Variants in ST6GALNAC1 observed in about 807,000 individuals in gnomAD.
ST6GALNAC1 encodes the protein alpha-N-acetylgalactosaminide alpha-2,6-sialyltransferase 1.
In ST6GALNAC1, 45 loss-of-function variants were observed where a neutral mutation model predicts 56.8. The observed-to-expected ratio is 0.79, with a 90% CI of 0.62 to 1.02. The LOEUF is 1.02. Ranked by LOEUF, ST6GALNAC1 falls within the 50% of genes least tolerant of loss-of-function variation. The pLI is 0.00. For synonymous variants in ST6GALNAC1, 295 were observed against 297.8 expected (o/e 0.99, Z 0.10); for missense variants, 743 against 754.8 (o/e 0.98, Z 0.18).
chr17:76,619,546 C>T, the ST6GALNAC1 span, among the ~76,000 whole-genome samples: 1 of 152,108 alleles, frequency 6.6e-6, no homozygotes, highest in South Asian at 2.1e-4. Flanking sequence ...TTTTCCTTAA[C>T]ATATTTTCTT....
intron 1 of ST6GALNAC1, among the ~76,000 whole-genome samples, chr17:76,635,564 G>A (rs890364308): frequency 4.6e-5 from 7 of 152,306 alleles, no homozygotes; most frequent in African/African-American, 1.7e-4. Flanking sequence ...TTGAGCCTGC[G>A]AGGTGGAGGT....
the ST6GALNAC1 span, among the ~76,000 whole-genome samples, chr17:76,619,400 T>C: frequency 6.6e-6 from 1 of 152,230 alleles, no homozygotes; most frequent in African/African-American, 2.4e-5. Flanking sequence ...CATAGAATTC[T>C]TTCTTTAGAT....
At chr17:76,636,970 C>T (rs866898802) in intron 1 of ST6GALNAC1, among the ~76,000 whole-genome samples, 6 of 152,030 alleles carry the variant, frequency 3.9e-5, no homozygotes, top group Non-Finnish European at 5.9e-5. Context: ...TGACCTTACC[C>T]CCAACCCCGT....
downstream of ST6GALNAC1, among the ~76,000 whole-genome samples, chr17:76,624,603 A>C (rs1158182664): frequency 6.6e-6 from 1 of 152,162 alleles, no homozygotes; most frequent in Non-Finnish European, 1.5e-5. Flanking sequence ...AATCCTGCAG[A>C]TAGAGCTCAA....
In ST6GALNAC1 at chr17:76,627,883, G is replaced by A. The variant is rs572352027; in HGVS notation, c.832-300C>T. Among the ~76,000 whole-genome samples the A allele has an allele frequency of 2.5e-3, 378 of 152,110 alleles. 1 individual carries two copies. The highest frequency in any genetic ancestry group is 8.7e-3 in the African/African-American group (362 of 41,498). Reference sequence around the variant, plus strand: ...GAGGCCGAGGCGGGTGGATCACAAGGTCAGGAGATCGAGACCATCCTGGCT... The same window carrying A: ...GAGGCCGAGGCGGGTGGATCACAAGATCAGGAGATCGAGACCATCCTGGCT... On this transcript the variant is annotated intron_variant, in intron 2 of 8. Transcript: ENST00000156626. This position sits in a 1 kb window ranked among gnomAD's most constrained non-coding sequence, Gnocchi z 4.4.
chr17:76,625,714 G>T, intron 8 of ST6GALNAC1, 105 bp downstream of exon 8: 1 of 1,182,954 alleles, frequency 8.5e-7, no homozygotes, highest in Non-Finnish European at 1.2e-6. Flanking sequence ...CTCTTTCCCA[G>T]CAGATGTGGG....
chr17:76,643,443 G>A (rs1305206212), intron 1 of ST6GALNAC1, 65 bp downstream of exon 1: 20 of 1,578,714 alleles, frequency 1.3e-5, no homozygotes, highest in Non-Finnish European at 1.6e-5. Context: ...GTCCTCCCTG[G>A]GCTATCATTT....
In ST6GALNAC1 at chr17:76,627,475, C is replaced by T; in HGVS notation, c.940G>A (p.Glu314Lys). Residue 314 changes from glutamate to lysine, a missense_variant, in exon 3 of 9, where the codon GAG (glutamate) becomes AAG (lysine). Glu to Lys is a moderately conservative substitution (Grantham distance 56). Transcript: ENST00000156626. The surrounding 1 kb of genome is among the most constrained non-coding windows in gnomAD (Gnocchi z 4.4). ...GCAAAGTGTTCCAGGCGGTCCCACT[C>T]ACTCTGGTTGAAGTGTCTGGAGTCC... The part of the protein sequence containing the change: ...FLDSRHFNQS[E>K]WDRLEHFAPP... 1 of 1,614,192 alleles carries T rather than the reference C, an allele frequency of 6.2e-7. No individual in the cohort carries two copies. Among genetic ancestry groups the T allele is most frequent in the Non-Finnish European group, 8.5e-7 (1 of 1,180,026 alleles).
At chr17:76,623,182 G>A (rs886987857), downstream of ST6GALNAC1, among the ~76,000 whole-genome samples, 1 of 152,120 alleles carries the variant, frequency 6.6e-6, no homozygotes, top group South Asian at 2.1e-4. Context: ...CACAATGCTT[G>A]GGTCTATTTC....
rs553388847 is a variant in ST6GALNAC1 at position 76,625,328 on chromosome 17, G to T, written c.*2C>A. The T allele has an allele frequency of 1.2e-6, 2 of 1,612,388 alleles. No homozygotes were observed. The highest frequency in any genetic ancestry group is 1.7e-5 in the Admixed American group (1 of 59,966). On this transcript the variant is annotated 3_prime_UTR_variant, in exon 9 of 9. Transcript: ENST00000156626. ...AGGAGACCATGGCAGCCCTGGCCCC[G>T]GTCAGTTCTTGGCTTTGGCAGTTCC...
At chr17:76,634,585 T>C (rs1176938615) in intron 1 of ST6GALNAC1, among the ~76,000 whole-genome samples, 1 of 135,846 alleles carries the variant, frequency 7.4e-6, no homozygotes, top group African/African-American at 2.8e-5. Context: ...TTTCCAACTC[T>C]AAAGTTGGCC....
intron 1 of ST6GALNAC1, among the ~76,000 whole-genome samples, chr17:76,641,577 G>A (rs2076048653): frequency 6.6e-6 from 1 of 152,140 alleles, no homozygotes; most frequent in African/African-American, 2.4e-5. Context: ...TGATGATTAA[G>A]ACTTCAAAAC....
At chr17:76,618,716 G>A in the ST6GALNAC1 span, among the ~76,000 whole-genome samples, 4 of 152,012 alleles carry the variant, frequency 2.6e-5, no homozygotes, top group Non-Finnish European at 4.4e-5. Flanking sequence ...AGGAGGTGGA[G>A]GTTGCAGTGA....
In ST6GALNAC1 at chr17:76,629,304, A is replaced by G. The variant is rs745493330; in HGVS notation, c.539T>C (p.Val180Ala). Residue 180 changes from valine to alanine, a missense_variant, in exon 2 of 9, where the codon GTG (valine) becomes GCG (alanine). By Grantham distance (64) the Val-to-Ala change is moderately conservative. Transcript: ENST00000156626. ...QTRKLTASRT[V>A]SEKHQGKAAT... ...CGCTTTGCCCTGGTGCTTCTCTGAC[A>G]CCGTCCTGGAGGCCGTCAGCTTCCT... The G allele has an allele frequency of 1.9e-6, 3 of 1,613,822 alleles. No individual in the cohort carries two copies. In the East Asian group the frequency reaches 6.7e-5, roughly 36 times the overall value.
chr17:76,631,065 CTGTGTGTGTGTG>C (rs34663902), intron 1 of ST6GALNAC1, among the ~76,000 whole-genome samples: 9,205 of 146,884 alleles, frequency 0.063, 490 homozygotes, highest in East Asian at 0.15. Flanking sequence ...CAGCTAATCT[CTGTGTGTGTGTG>C]TGTGTGTGTG....
At chr17:76,629,779 TTTTG>T in intron 1 of ST6GALNAC1, 68 bp from the exon 2 acceptor site, 2 of 1,209,722 alleles carry the variant, frequency 1.7e-6, no homozygotes, top group Non-Finnish European at 1.1e-6. Flanking sequence ...ATAAGTAGTT[TTTTG>T]TTTTTTTTTT....
Position 76,629,306 on chromosome 17 carries a change from C to A in ST6GALNAC1, c.537G>T (p.Thr179=). 1 of 1,614,134 alleles carries A rather than the reference C, an allele frequency of 6.2e-7. No homozygotes were observed. The highest frequency in any genetic ancestry group is 8.5e-7 in the Non-Finnish European group (1 of 1,180,018). Residue 179 remains threonine, a synonymous_variant, in exon 2 of 9, where the codon ACG becomes ACT. Coordinates refer to ENST00000156626, the MANE Select transcript of ST6GALNAC1 (RefSeq NM_018414.5). ...CTTTGCCCTGGTGCTTCTCTGACAC[C>A]GTCCTGGAGGCCGTCAGCTTCCTGG... ...GQTRKLTASR[T]VSEKHQGKAA... is the part of the protein sequence containing the mutation.
At chr17:76,623,736 C>T (rs2075762170), downstream of ST6GALNAC1, among the ~76,000 whole-genome samples, 1 of 152,186 alleles carries the variant, frequency 6.6e-6, no homozygotes, top group Admixed American at 6.5e-5. Flanking sequence ...CTCTAATTGA[C>T]CTATCTTTTC....
At chr17:76,634,974 TACG>T (rs936638386) in intron 1 of ST6GALNAC1, among the ~76,000 whole-genome samples, 36 of 152,362 alleles carry the variant, frequency 2.4e-4, no homozygotes, top group African/African-American at 8.2e-4. Flanking sequence ...GCTTTATTTT[TACG>T]ACTTTACTTT....
Sources: allele counts gnomAD v4.1 joint callset (sites outside exome capture counted in the v4.1 genomes callset), GRCh38; gene constraint gnomAD v4.1.1; non-coding constraint Gnocchi (gnomAD v3.1); transcripts MANE v1.5; gene names NCBI Gene and HGNC (gene_info 2026-07-23, HGNC 2026-07-21).